Variants in FMNL2 observed in about 807,000 individuals in gnomAD.
The protein encoded by FMNL2 is formin like 2.
In FMNL2, 51 loss-of-function variants were observed where a neutral mutation model predicts 130.2. The observed-to-expected ratio is 0.39, with a 90% CI of 0.31 to 0.49. The LOEUF is 0.49. FMNL2 is among the 20% of genes least tolerant of loss of function. The pLI, the probability that FMNL2 is intolerant of heterozygous loss-of-function variation, is 0.85. For synonymous variants in FMNL2, 465 were observed against 467.1 expected, an observed-to-expected ratio of 1.00 and a Z score of 0.06; for missense variants, 977 against 1,316.2, an observed-to-expected ratio of 0.74 and a Z score of 3.99.
At chr2:152,415,122 T>G (rs572366508) in intron 1 of FMNL2, among the ~76,000 whole-genome samples, 19 of 151,756 alleles carry the variant, frequency 1.3e-4, no homozygotes, top group Non-Finnish European at 2.1e-4. Flanking sequence ...ACAGCAGAGG[T>G]GTGAATCTTC....
chr2:152,610,904 A>G (rs1254608068), intron 10 of FMNL2, among the ~76,000 whole-genome samples: 1 of 152,204 alleles, frequency 6.6e-6, no homozygotes, highest in Non-Finnish European at 1.5e-5. Flanking sequence ...TACCACCAGC[A>G]ATGGATGAGG....
chr2:152,487,980 G>T (rs1444286310), intron 1 of FMNL2, among the ~76,000 whole-genome samples: 3 of 151,950 alleles, frequency 2.0e-5, no homozygotes, highest in Non-Finnish European at 4.4e-5. Context: ...AGGAGACGGG[G>T]TTTCACCATG....
At chr2:152,569,783 CA>C (rs1218728879) in intron 6 of FMNL2, among the ~76,000 whole-genome samples, 1 of 150,118 alleles carries the variant, frequency 6.7e-6, no homozygotes, top group Non-Finnish European at 1.5e-5. Flanking sequence ...TCAAGGTGGG[CA>C]GATCACTTGA....
At chr2:152,484,530 A>T (rs958509308) in intron 1 of FMNL2, among the ~76,000 whole-genome samples, 24 of 151,888 alleles carry the variant, frequency 1.6e-4, no homozygotes, top group African/African-American at 4.1e-4. Flanking sequence ...CTAGCTACAC[A>T]GGAGGCTGAG....
chr2:152,557,492 A>G (rs1695291049), intron 4 of FMNL2, among the ~76,000 whole-genome samples: 1 of 152,244 alleles, frequency 6.6e-6, no homozygotes, highest in Admixed American at 6.5e-5. Flanking sequence ...AACTACCTGC[A>G]GACCTGGGCT....
chr2:152,558,717 T>TG (rs1237034152), intron 4 of FMNL2, 23 bp from the exon 5 acceptor site: 1 of 1,434,582 alleles, frequency 7.0e-7, no homozygotes, highest in Non-Finnish European at 9.4e-7. Context: ...CTCCAATGAT[T>TG]TTTTTTTTTT....
At position 152,522,067 on chromosome 2, in the gene FMNL2, A is replaced by G. The variant is rs745363513; in HGVS notation, c.201+41A>G. On this transcript the variant is annotated intron_variant, in intron 2 of 25. Transcript: ENST00000288670. ...ACTTTCTTTTATGAAAAAAGTAATG[A>G]AAGAAGAGATCCAGTGTGAATTTTA... 7 of 1,497,782 alleles carry G rather than the reference A, an allele frequency of 4.7e-6. No individual in the cohort carries two copies. The African/African-American group carries it at 9.8e-5, about 21-fold the overall frequency. The allele number at this position is 1,497,782 out of a possible 1,614,324, so 92.8% of individuals were successfully genotyped here. A position where few individuals can be genotyped will look rare whatever the true frequency, so the allele number is the denominator to read the frequency against.
intron 6 of FMNL2, among the ~76,000 whole-genome samples, chr2:152,573,726 A>G (rs547926383): frequency 6.6e-6 from 1 of 152,224 alleles, no homozygotes; most frequent in Non-Finnish European, 1.5e-5. Context: ...ATTGGAGAAA[A>G]TAATTTTTAA....
chr2:152,357,790 TA>T, intron 1 of FMNL2, among the ~76,000 whole-genome samples: 1 of 152,250 alleles, frequency 6.6e-6, no homozygotes, highest in Non-Finnish European at 1.5e-5. Context: ...CTGGGGAGCC[TA>T]ACCGTGTATT....
In FMNL2 at chr2:152,558,692, T is replaced by C. The variant is rs762696269; in HGVS notation, c.360-48T>C. ...TGCATTGTGTCCGTTCCATGGCAGG[T>C]CATGTGATCAATTTCTCCAATGATT... On this transcript the variant is annotated intron_variant, in intron 4 of 25. Coordinates refer to ENST00000288670, the MANE Select transcript of FMNL2 (RefSeq NM_052905.4). The C allele has an allele frequency of 5.9e-6, 9 of 1,522,178 alleles. No individual in the cohort carries two copies. In the Admixed American group the frequency reaches 1.5e-4, roughly 25 times the overall value. 94.3% of individuals were successfully genotyped at this position (1,522,178 alleles called of 1,614,324 possible).
At chr2:152,387,838 G>A (rs988797472) in intron 1 of FMNL2, among the ~76,000 whole-genome samples, 3 of 147,888 alleles carry the variant, frequency 2.0e-5, no homozygotes, top group Non-Finnish European at 4.5e-5. Flanking sequence ...TTTTTTTGTA[G>A]AGGTGGTGTC....
intron 13 of FMNL2, 108 bp from the exon 14 acceptor site, chr2:152,618,738 C>A: frequency 1.0e-6 from 1 of 954,506 alleles, no homozygotes; most frequent in Non-Finnish European, 1.5e-6. Flanking sequence ...AAAGAATTCC[C>A]ATTCATATGA....
intron 15 of FMNL2, among the ~76,000 whole-genome samples, chr2:152,624,036 C>A (rs1373049755): frequency 1.5e-5 from 1 of 68,174 alleles, no homozygotes; most frequent in African/African-American, 6.3e-5. Flanking sequence ...CATACAATTC[C>A]TTCCCTTCCC....
At chr2:152,642,422 G>A (rs1211894723) in intron 25 of FMNL2, among the ~76,000 whole-genome samples, 2 of 152,210 alleles carry the variant, frequency 1.3e-5, no homozygotes, top group Non-Finnish European at 2.9e-5. Flanking sequence ...TTAAAGCAGT[G>A]TAGGTCTTAG....
At chr2:152,626,392 T>TA (rs1164359470) in intron 16 of FMNL2, 133 bp from the exon 17 acceptor site, 1 of 709,166 alleles carries the variant, frequency 1.4e-6, no homozygotes, top group Non-Finnish European at 2.3e-6. Context: ...ACAAGAAAAA[T>TA]AGAGGAAGCC....
chr2:152,492,041 T>C (rs1483702877), intron 1 of FMNL2, among the ~76,000 whole-genome samples: 3 of 152,154 alleles, frequency 2.0e-5, no homozygotes, highest in East Asian at 3.8e-4. Context: ...CTATGAAAAA[T>C]AGTAAATTGC....
intron 11 of FMNL2, among the ~76,000 whole-genome samples, chr2:152,613,972 C>G (rs1698816277): frequency 6.6e-6 from 1 of 152,128 alleles, no homozygotes; most frequent in Admixed American, 6.5e-5. Context: ...CCTTGGGGAG[C>G]CCTGAGCTGT....
intron 2 of FMNL2, among the ~76,000 whole-genome samples, chr2:152,530,625 A>G (rs1458694419): frequency 6.6e-6 from 1 of 152,232 alleles, no homozygotes; most frequent in Non-Finnish European, 1.5e-5. Flanking sequence ...AACAAGGTTG[A>G]AAAAAGATAC....
chr2:152,614,812 AT>A, intron 11 of FMNL2, 38 bp from the exon 12 acceptor site: 1 of 1,558,630 alleles, frequency 6.4e-7, no homozygotes, highest in Non-Finnish European at 8.6e-7. Context: ...ATTTCCATAG[AT>A]GAGCTAACAC....
Sources: allele counts gnomAD v4.1 joint callset (sites outside exome capture counted in the v4.1 genomes callset), GRCh38; gene constraint gnomAD v4.1.1; transcripts MANE v1.5; gene names NCBI Gene and HGNC (gene_info 2026-07-23, HGNC 2026-07-21).